KANK1: variants seen among roughly 807,000 people sequenced by gnomAD.
The protein encoded by KANK1 is KN motif and ankyrin repeat domain-containing protein 1.
A neutral mutation model predicts 106.2 loss-of-function variants in KANK1; 109 were observed. The observed-to-expected ratio is 1.03, with a 90% CI of 0.88 to 1.20. The LOEUF (loss-of-function observed/expected upper bound fraction) is 1.20. KANK1 is among the 50% of genes most tolerant of loss of function. The probability of loss-of-function intolerance (pLI) is 0.00; values close to 1 mark genes in which losing one functional copy is unlikely to be tolerated. For synonymous variants in KANK1, 873 were observed against 652.2 expected (o/e 1.34, Z -5.16); for missense variants, 2,399 against 1,710.7 (o/e 1.40, Z -7.10).
chr9:525,221 C>T (rs1291387514), intron 1 of KANK1, among the ~76,000 whole-genome samples: 2 of 150,904 alleles, frequency 1.3e-5, no homozygotes, highest in African/African-American at 4.9e-5. Context: ...TCTCAAACTC[C>T]TGCCCTCAGG....
intron 1 of KANK1, among the ~76,000 whole-genome samples, chr9:555,415 C>T (rs1054753814): frequency 6.6e-6 from 1 of 152,204 alleles, no homozygotes; most frequent in African/African-American, 2.4e-5. Flanking sequence ...AACTCTTCCA[C>T]TCAGTCTGCT....
rs1826562532 is a variant in KANK1, at chr9:712,851, C to T, written c.2085C>T (p.Cys695=). The T allele has an allele frequency of 6.2e-7, 1 of 1,613,868 alleles. No individual in the cohort carries two copies. Among genetic ancestry groups the T allele is most frequent in the Admixed American group, 1.7e-5 (1 of 59,982 alleles). Residue 695 remains cysteine, a synonymous_variant, in exon 3 of 12, where the codon TGC becomes TGT. Coordinates refer to ENST00000382297, the MANE Select transcript of KANK1 (RefSeq NM_015158.5). ...AGACGGCCACCCTCATAGAGTCCTG[C>T]ACCAACACTTGTCTAAGCACTTTGG... ...NTETATLIES[C]TNTCLSTLDK...
At chr9:593,343 C>T (rs937997435) in intron 1 of KANK1, among the ~76,000 whole-genome samples, 1 of 151,706 alleles carries the variant, frequency 6.6e-6, no homozygotes, top group African/African-American at 2.4e-5. Context: ...AAAAAGGATT[C>T]TTGTATCCCA....
chr9:731,582 C>T (rs757202654), intron 5 of KANK1: 8 of 169,522 alleles, frequency 4.7e-5, no homozygotes, highest in Admixed American at 6.2e-5. Flanking sequence ...CTTACCTATA[C>T]GAGAACTCAC....
At chr9:654,842 A>G (rs1180950345) in intron 1 of KANK1, among the ~76,000 whole-genome samples, 1 of 147,892 alleles carries the variant, frequency 6.8e-6, no homozygotes, top group Non-Finnish European at 1.5e-5. Flanking sequence ...AGAGAGAGAG[A>G]GAGAGATAAA....
chr9:655,847 C>T (rs1015323365), intron 1 of KANK1, among the ~76,000 whole-genome samples: 6 of 152,198 alleles, frequency 3.9e-5, no homozygotes, highest in African/African-American at 1.4e-4. Context: ...CCTGCTTACT[C>T]AGAGTTTCAA....
intron 1 of KANK1, among the ~76,000 whole-genome samples, chr9:538,219 T>C (rs1270361213): frequency 6.6e-6 from 1 of 152,100 alleles, no homozygotes; most frequent in Non-Finnish European, 1.5e-5. Context: ...CTTAGGATGA[T>C]TGTACTTGAG....
intron 3 of KANK1, among the ~76,000 whole-genome samples, chr9:486,809 T>G (rs935985164): frequency 6.6e-6 from 1 of 152,232 alleles, no homozygotes; most frequent in Non-Finnish European, 1.5e-5. Flanking sequence ...AATTTTTATC[T>G]GATTTCAAGT....
At chr9:543,343 G>T (rs1038811859) in intron 1 of KANK1, among the ~76,000 whole-genome samples, 3 of 151,918 alleles carry the variant, frequency 2.0e-5, no homozygotes, top group Non-Finnish European at 4.4e-5. Flanking sequence ...ATCACTTGAG[G>T]ACAGGAGTTT....
At chr9:501,491 T>C (rs539750651), upstream of KANK1, among the ~76,000 whole-genome samples, 10 of 152,330 alleles carry the variant, frequency 6.6e-5, no homozygotes, top group East Asian at 1.9e-3. Flanking sequence ...TAAGGGCTTA[T>C]GTATTGACTA....
At chr9:568,439 CTG>C (rs1818345532) in intron 1 of KANK1, among the ~76,000 whole-genome samples, 1 of 152,026 alleles carries the variant, frequency 6.6e-6, no homozygotes. Context: ...ATGTGTAAGT[CTG>C]TGGGGTTTTT....
At chr9:717,058 G>C (rs926559947) in intron 3 of KANK1, among the ~76,000 whole-genome samples, 3 of 152,110 alleles carry the variant, frequency 2.0e-5, no homozygotes, top group African/African-American at 7.2e-5. Context: ...GCTGAGGCTG[G>C]CAGAGTGCTT....
chr9:556,922 A>C (rs2061625680), intron 1 of KANK1, among the ~76,000 whole-genome samples: 1 of 152,164 alleles, frequency 6.6e-6, no homozygotes, highest in South Asian at 2.1e-4. Flanking sequence ...TGTTTGAACA[A>C]ACCAGCTTTG....
At position 734,852 on chromosome 9, in the gene KANK1, A is replaced by G. The variant is rs1224325019; in HGVS notation, c.3333+17A>G. 1 of 1,580,674 alleles carries G rather than the reference A, an allele frequency of 6.3e-7. No homozygotes were observed. ...AAAGATATGGTGAGTCTGACCTGCA[A>G]ACACCATCCCCAGTGTGTACAAAGT... is the stretch of plus-strand genomic sequence containing the variant. On this transcript the variant is annotated intron_variant, in intron 7 of 11. Coordinates refer to ENST00000382297, the MANE Select transcript of KANK1 (RefSeq NM_015158.5).
chr9:613,227 C>T (rs559511844), intron 1 of KANK1, among the ~76,000 whole-genome samples: 45 of 151,504 alleles, frequency 3.0e-4, no homozygotes, highest in Non-Finnish European at 5.7e-4. Flanking sequence ...CTTTAAGATT[C>T]AGTAAGCTAG....
chr9:744,749 C>CAAAAAAAAAAA, intron 11 of KANK1, 160 bp downstream of exon 11: 4 of 1,506,570 alleles, frequency 2.7e-6, no homozygotes, highest in Admixed American at 2.2e-5. Flanking sequence ...CTCCACCCCG[C>CAAAAAAAAAAA]AAAAAGCAGG....
chr9:519,582 C>G (rs1177550622), intron 1 of KANK1, among the ~76,000 whole-genome samples: 1 of 151,708 alleles, frequency 6.6e-6, no homozygotes, highest in African/African-American at 2.4e-5. Context: ...TACTGAAAAG[C>G]TAAAGAAGAA....
At chr9:597,454 A>G (rs534456782) in intron 1 of KANK1, among the ~76,000 whole-genome samples, 2 of 151,842 alleles carry the variant, frequency 1.3e-5, no homozygotes, top group Admixed American at 6.5e-5. Context: ...ATATTTTCCT[A>G]ATGATTAATG....
At chr9:527,204 G>A (rs891257374) in intron 1 of KANK1, among the ~76,000 whole-genome samples, 4 of 151,720 alleles carry the variant, frequency 2.6e-5, no homozygotes, top group Admixed American at 6.6e-5. Flanking sequence ...TTTCCAGGCC[G>A]TTCTGTACCT....
Sources: allele counts gnomAD v4.1 joint callset (sites outside exome capture counted in the v4.1 genomes callset), GRCh38; gene constraint gnomAD v4.1.1; transcripts MANE v1.5; gene names NCBI Gene and HGNC (gene_info 2026-07-23, HGNC 2026-07-21).